Variants in SHPK observed in about 807,000 individuals in gnomAD.
SHPK encodes carbohydrate kinase-like protein.
Under a neutral mutation model 46.3 loss-of-function variants are expected in SHPK, and 51 were observed. The ratio of observed to expected loss-of-function variants is 1.10; its 90% CI spans 0.88 to 1.39. The LOEUF is 1.39. Ranked by LOEUF, SHPK falls within the 40% of genes most tolerant of loss-of-function variation. The pLI, the probability that SHPK is intolerant of heterozygous loss-of-function variation, is 0.00. For synonymous variants in SHPK, 290 were observed against 273.9 expected, an observed-to-expected ratio of 1.06 and a Z score of -0.58; for missense variants, 668 against 641.3, an observed-to-expected ratio of 1.04 and a Z score of -0.45.
At chr17:3,619,417 T>A (rs2075386807) in intron 5 of SHPK, 1 of 1,548,712 alleles carries the variant, frequency 6.5e-7, no homozygotes, top group African/African-American at 1.4e-5. Context: ...ACTCGGGACA[T>A]AAAGCCAAAT....
intron 6 of SHPK, 70 bp downstream of exon 6, chr17:3,615,267 T>C (rs1210086223): frequency 6.7e-6 from 10 of 1,500,360 alleles, no homozygotes; most frequent in Non-Finnish European, 7.4e-6. Flanking sequence ...TGAAGCTCCG[T>C]GAAGCTCCGA....
At chr17:3,629,681 T>A (rs372500349) in intron 2 of SHPK, among the ~76,000 whole-genome samples, 1 of 151,148 alleles carries the variant, frequency 6.6e-6, no homozygotes. Context: ...TGAGCTGAGT[T>A]TGCGCCACTG....
rs2075525005 is a variant in SHPK, at chr17:3,636,162, C to T, written c.58G>A (p.Ala20Thr). 1 of 1,612,344 alleles carries T rather than the reference C, an allele frequency of 6.2e-7. No homozygotes were observed. The highest frequency in any genetic ancestry group is 8.5e-7 in the Non-Finnish European group (1 of 1,179,100). ...TCGTCGGGCGCGGCCCTCAGCAGAG[C>T]TGCCTTCACAGATGTGGTGCCCAGG... The part of the protein sequence containing the change: ...IDLGTTSVKA[A>T]LLRAAPDDPS... Residue 20 changes from alanine to threonine, a missense_variant, in exon 1 of 7, where the codon GCT becomes ACT. Ala to Thr is a moderately conservative substitution (Grantham distance 58). Transcript: ENST00000225519.
At position 3,623,337 on chromosome 17, in the gene SHPK, A is replaced by C. The variant is rs2075413587; in HGVS notation, c.647+2T>G. ...AACAGCCTGCAAGGATGTGATACTC[A>C]CGTCTCTACGTTCCAGCTTTGGCTC... On this transcript the variant is annotated splice_donor_variant, in intron 4 of 6. Coordinates refer to ENST00000225519, the MANE Select transcript of SHPK (RefSeq NM_013276.4). LOFTEE classifies it high-confidence loss of function. 1.2e-6 allele frequency: 2 copies of C among 1,614,014 alleles called. No homozygotes were observed. Among genetic ancestry groups the C allele is most frequent in the African/African-American group, 1.3e-5 (1 of 74,928 alleles).
At chr17:3,625,235 T>C (rs891206950) in intron 2 of SHPK, among the ~76,000 whole-genome samples, 1 of 152,210 alleles carries the variant, frequency 6.6e-6, no homozygotes. Context: ...TGTGGTCGAT[T>C]GTTGCAAATT....
At chr17:3,634,251 C>G (rs1490607153) in intron 1 of SHPK, among the ~76,000 whole-genome samples, 4 of 148,196 alleles carry the variant, frequency 2.7e-5, no homozygotes, top group African/African-American at 7.5e-5. Context: ...GAGAAACACC[C>G]AAGAGTGATC....
chr17:3,623,943 C>T lies in SHPK; in HGVS notation c.494+105G>A, dbSNP rs1021841829. 1.2e-4 allele frequency: 141 copies of T among 1,143,644 alleles called. No individual in the cohort carries two copies. In the African/African-American group the frequency reaches 1.9e-3, roughly 15 times the overall value. 70.8% of individuals were successfully genotyped at this position (1,143,644 alleles called of 1,614,324 possible). On this transcript the variant is annotated intron_variant, in intron 3 of 6. Transcript: ENST00000225519. ...CTGCATCCTGTCCTGCCAGGACACA[C>T]TCACTGCGGCACAGCCCAGCAGGCG...
At chr17:3,611,051 G>T in intron 6 of SHPK, 79 bp from the exon 7 acceptor site, 18 of 1,313,326 alleles carry the variant, frequency 1.4e-5, no homozygotes, top group Non-Finnish European at 1.7e-5. Flanking sequence ...ATTCCCACAG[G>T]GTGGGAACAG....
At chr17:3,615,682 A>C (rs2660974) in intron 5 of SHPK, 145 bp from the exon 6 acceptor site, 1 of 546,400 alleles carries the variant, frequency 1.8e-6, no homozygotes, top group Non-Finnish European at 3.2e-6. Context: ...GTGGCCTGTC[A>C]GGCTAACTCA....
chr17:3,610,548 A>T lies in SHPK; in HGVS notation c.*12T>A. The T allele has an allele frequency of 6.3e-7, 1 of 1,584,770 alleles. No homozygotes were observed. The highest frequency in any genetic ancestry group is 8.6e-7 in the Non-Finnish European group (1 of 1,160,320). On this transcript the variant is annotated 3_prime_UTR_variant, in exon 7 of 7. Coordinates refer to ENST00000225519, the MANE Select transcript of SHPK (RefSeq NM_013276.4). ...AAATTCACAGCAGTCGTTTGGCGAAAGAGTTTGCTGTCTAAGATTCCTTCT... is the reference window on the plus strand; with the variant it reads ...AAATTCACAGCAGTCGTTTGGCGAATGAGTTTGCTGTCTAAGATTCCTTCT...
chr17:3,630,188 C>A lies in SHPK; in HGVS notation c.310+17G>T, dbSNP rs1009509250. ...GTGACTGCTACCAGCCTGAGAGCAT[C>A]CCCGAGCCCAGCATACCTTGGCCTG... On this transcript the variant is annotated intron_variant, in intron 2 of 6. Transcript: ENST00000225519. 1.9e-6 allele frequency: 3 copies of A among 1,613,896 alleles called. No homozygotes were observed. Among genetic ancestry groups the A allele is most frequent in the African/African-American group, 2.7e-5 (2 of 75,052 alleles).
chr17:3,615,458 C>CTACTACTCCAGTA lies in SHPK; in HGVS notation c.902_903insTACTGGAGTAGTA (p.Ala302ThrfsTer49), dbSNP rs773939024. The CTACTACTCCAGTA allele has an allele frequency of 1.7e-5, 27 of 1,614,012 alleles. No homozygotes were observed. In the Admixed American group the frequency reaches 2.0e-4, roughly 12 times the overall value. On this transcript the variant is annotated frameshift_variant, in exon 6 of 7. Transcript: ENST00000225519. LOFTEE classifies it high-confidence loss of function. ...AGTATGGGAAGTAGGCGACTGGGGCCGTAGGGTCTGGAGTCTGTGCAGGCT... is the reference window on the plus strand; with the variant it reads ...AGTATGGGAAGTAGGCGACTGGGGCCTACTACTCCAGTAGTAGGGTCTGGAGTCTGTGCAGGCT...
At chr17:3,615,026 A>T (rs1428274640) in intron 6 of SHPK, among the ~76,000 whole-genome samples, 1 of 151,830 alleles carries the variant, frequency 6.6e-6, no homozygotes, top group Non-Finnish European at 1.5e-5. Flanking sequence ...AAGAGAAAGG[A>T]GCAGGAGGAG....
chr17:3,626,429 T>A (rs983779126), intron 2 of SHPK, among the ~76,000 whole-genome samples: 3 of 151,934 alleles, frequency 2.0e-5, no homozygotes, highest in African/African-American at 7.3e-5. Context: ...CAATACCTCT[T>A]AGCTCATCGG....
rs765628241 is a variant in SHPK, at chr17:3,615,444, T to C, written c.917A>G (p.Tyr306Cys). The change falls in exon 6 of 7, where the codon TAC becomes TGC. Residue 306 changes from tyrosine to cysteine, a missense_variant. Tyr to Cys is a radical substitution (Grantham distance 194, BLOSUM62 -2). Coordinates refer to ENST00000225519, the MANE Select transcript of SHPK (RefSeq NM_013276.4). ...GTAGGTCCTGTTGAAGTATGGGAAG[T>C]AGGCGACTGGGGCCGTAGGGTCTGG... ...QTPDPTAPVAYFPYFNRTYLG... is the reference protein window; with the variant it reads ...QTPDPTAPVACFPYFNRTYLG... 5 of 1,613,996 alleles carry C rather than the reference T, an allele frequency of 3.1e-6. No homozygotes were observed. The highest frequency in any genetic ancestry group is 3.4e-6 in the Non-Finnish European group (4 of 1,180,010).
At chr17:3,630,402 C>A in intron 1 of SHPK, 56 bp from the exon 2 acceptor site, 1 of 1,529,554 alleles carries the variant, frequency 6.5e-7, no homozygotes. Flanking sequence ...GGGGGAGGGG[C>A]GCAGGCCTCC....
chr17:3,610,562 A>G lies in SHPK; in HGVS notation c.1435T>C (p.Ter479GlnextTer11), dbSNP rs200377484. 1.9e-4 allele frequency: 310 copies of G among 1,596,216 alleles called. No homozygotes were observed. Among genetic ancestry groups the G allele is most frequent in the Admixed American group, 4.4e-4 (26 of 59,236 alleles). Residue 479 changes from the stop codon to glutamine (Q), a stop_lost, in exon 7 of 7, where the codon TAG becomes CAG. Coordinates refer to ENST00000225519, the MANE Select transcript of SHPK (RefSeq NM_013276.4). The part of the protein sequence containing the change: ...LRRHLNQKES[*>Q] ...CGTTTGGCGAAAGAGTTTGCTGTCT[A>G]AGATTCCTTCTGGTTGAGGTGTCTC... is the stretch of plus-strand genomic sequence containing the variant.
intron 5 of SHPK, among the ~76,000 whole-genome samples, chr17:3,618,486 A>T (rs1156719463): frequency 6.6e-6 from 1 of 152,200 alleles, no homozygotes; most frequent in Non-Finnish European, 1.5e-5. Flanking sequence ...ACCACATTAT[A>T]AAAATTCATT....
At chr17:3,621,635 T>TCCTTCCTC (rs1567683874) in intron 4 of SHPK, among the ~76,000 whole-genome samples, 1 of 137,158 alleles carries the variant, frequency 7.3e-6, no homozygotes, top group African/African-American at 2.6e-5. Flanking sequence ...CTTCCTTCCT[T>TCCTTCCTC]CCTTCTTTCT....
Sources: gnomAD v4.1 joint callset for allele counts (sites outside exome capture counted in the v4.1 genomes callset) on GRCh38, gnomAD v4.1.1 for gene constraint, MANE v1.5 for transcripts, NCBI Gene and HGNC (gene_info 2026-07-23, HGNC 2026-07-21) for gene names.